Variants in SEMA6B observed in about 807,000 individuals in gnomAD.
SEMA6B encodes the protein semaphorin-6B.
Under a neutral mutation model 78.6 loss-of-function variants are expected in SEMA6B, and 47 were observed. The ratio of observed to expected loss-of-function variants is 0.60; its 90% confidence interval spans 0.47 to 0.76. The LOEUF (loss-of-function observed/expected upper bound fraction) is 0.76, where lower values mean the gene tolerates loss of function less well. Ranked by LOEUF, SEMA6B falls within the 30% of genes least tolerant of loss-of-function variation. The pLI, the probability that SEMA6B is intolerant of heterozygous loss-of-function variation, is 0.00. For missense variants in SEMA6B, 1,213 were observed against 1,269.9 expected, an observed-to-expected ratio of 0.96 and a Z score of 0.68; for synonymous variants, 632 against 592.2, an observed-to-expected ratio of 1.07 and a Z score of -0.98.
chr19:4,554,266 G>T, intron 9 of SEMA6B, 122 bp downstream of exon 9: 1 of 763,646 alleles, frequency 1.3e-6, no homozygotes, highest in Non-Finnish European at 2.2e-6. Context: ...AGGAGGCCCT[G>T]GGGACCAGAA....
Position 4,552,641 on chromosome 19 carries a change from TG to T in SEMA6B, c.772-3del. 3.1e-6 allele frequency: 5 copies of T among 1,598,868 alleles called. No individual in the cohort carries two copies. Among genetic ancestry groups the T allele is most frequent in the Non-Finnish European group, 4.3e-6 (5 of 1,170,458 alleles). ...TCGGGCCACGCGGGACACCACCACC[TG>T]GGCGTGACAGTGGACGGACGGGGGC... On this transcript the variant is annotated splice_region_variant and splice_polypyrimidine_tract_variant and intron_variant, in intron 9 of 16. Coordinates refer to ENST00000586582, the MANE Select transcript of SEMA6B (RefSeq NM_032108.4). The surrounding 1 kb of genome is among the most constrained non-coding windows in gnomAD (Gnocchi z 7.4).
intron 9 of SEMA6B, among the ~76,000 whole-genome samples, chr19:4,553,379 GTGGA>G (rs529191124): frequency 0.014 from 1,661 of 116,576 alleles, 56 homozygotes; most frequent in African/African-American, 0.054. Flanking sequence ...GGATGGGTGA[GTGGA>G]TGGATGGATG....
At position 4,548,019 on chromosome 19, in the gene SEMA6B, A is replaced by T; in HGVS notation, c.1601+8T>A. 1 of 1,538,102 alleles carries T rather than the reference A, an allele frequency of 6.5e-7. No homozygotes were observed. The highest frequency in any genetic ancestry group is 1.2e-5 in the South Asian group (1 of 82,988). ...CCCGCCCACGGCTGGCCTGGGGTGGACACTCACTTCATACACCCCGAGTAC... is the reference window on the plus strand; with the variant it reads ...CCCGCCCACGGCTGGCCTGGGGTGGTCACTCACTTCATACACCCCGAGTAC... On this transcript the variant is annotated splice_region_variant and intron_variant, in intron 14 of 16. Coordinates refer to ENST00000586582, the MANE Select transcript of SEMA6B (RefSeq NM_032108.4).
intron 8 of SEMA6B, 118 bp from the exon 9 acceptor site, chr19:4,554,594 T>C (rs1325040261): frequency 5.4e-6 from 4 of 745,896 alleles, no homozygotes; most frequent in Admixed American, 2.5e-5. Context: ...CCAGACAATA[T>C]GAAACAGACT....
chr19:4,544,003 G>A lies in SEMA6B; in HGVS notation c.2265C>T (p.Pro755=), dbSNP rs972288708. The A allele has an allele frequency of 6.6e-6, 8 of 1,209,954 alleles. No individual in the cohort carries two copies. Among genetic ancestry groups the A allele is most frequent in the East Asian group, 6.8e-5 (2 of 29,224 alleles). 75.0% of individuals were successfully genotyped at this position (1,209,954 alleles called of 1,614,324 possible). Residue 755 remains proline, a synonymous_variant, in exon 17 of 17, where the codon CCC becomes CCT. Transcript: ENST00000586582. This position sits in a 1 kb window ranked among gnomAD's most constrained non-coding sequence, Gnocchi z 5.1. ...SASSSLLLLA[P]ARAPEQPPAP... is the part of the protein sequence containing the mutation. The stretch of plus-strand genomic sequence containing the variant: ...CGGGGGGCTGCTCGGGGGCCCGGGC[G>A]GGCGCCAGCAGCAGGAGGGAGGATG...
chr19:4,550,776 C>T lies in SEMA6B; in HGVS notation c.1121+23G>A, dbSNP rs762458354. 18 of 1,612,290 alleles carry T rather than the reference C, an allele frequency of 1.1e-5. No individual in the cohort carries two copies. The South Asian group carries it at 1.3e-4, about 12-fold the overall frequency. ...ATCAGGACCTCATCCGGGCATGTGA[C>T]TCAGGATGGAGGGGGTTCTCACCGG... On this transcript the variant is annotated intron_variant, in intron 11 of 16. Coordinates refer to ENST00000586582, the MANE Select transcript of SEMA6B (RefSeq NM_032108.4). The surrounding 1 kb of genome is among the most constrained non-coding windows in gnomAD (Gnocchi z 6.6).
rs923932710 is a variant in SEMA6B, at chr19:4,555,307, G to C, written c.562+167C>G. Reference sequence around the variant, plus strand: ...CCGGCTAAGCCCCAAATCCCGCTGAGCCTCAATCCCAGCTGAGCCCCAAAC... The same window carrying C: ...CCGGCTAAGCCCCAAATCCCGCTGACCCTCAATCCCAGCTGAGCCCCAAAC... On this transcript the variant is annotated intron_variant, in intron 7 of 16. Transcript: ENST00000586582. The surrounding 1 kb of genome is among the most constrained non-coding windows in gnomAD (Gnocchi z 6.1). 6.6e-6 allele frequency among the ~76,000 whole-genome samples: 1 copy of C among 152,094 alleles called. No homozygotes were observed. Among genetic ancestry groups the C allele is most frequent in the Non-Finnish European group, 1.5e-5 (1 of 68,014 alleles).
chr19:4,546,295 C>G (rs144292825), intron 15 of SEMA6B, 21 bp from the exon 16 acceptor site: 4 of 1,612,436 alleles, frequency 2.5e-6, no homozygotes, highest in East Asian at 2.2e-5. Context: ...GAGGAGGCAC[C>G]GTCAGCAGAG....
Position 4,544,185 on chromosome 19 carries a change from G to A in SEMA6B, c.2083C>T (p.Leu695=). 1.6e-6 allele frequency: 2 copies of A among 1,270,096 alleles called. No individual in the cohort carries two copies. Among genetic ancestry groups the A allele is most frequent in the Middle Eastern group, 2.7e-4 (1 of 3,656 alleles). The allele number at this position is 1,270,096 out of a possible 1,614,324, so 78.7% of individuals were successfully genotyped here. A position where few individuals can be genotyped will look rare whatever the true frequency, so the allele number is the denominator to read the frequency against. The change falls in exon 17 of 17, where the codon CTG becomes TTG. Residue 695 remains leucine (L), a synonymous_variant. Transcript: ENST00000586582. The surrounding 1 kb of genome is among the most constrained non-coding windows in gnomAD (Gnocchi z 5.1). ...MQNGWAKATL[L]QGGPHDLDSG... ...TCCAGGTCGTGGGGCCCGCCCTGCA[G>A]CAGCGTGGCCTTGGCCCAGCCGTTC...
Position 4,552,064 on chromosome 19 carries a change from C to G in SEMA6B, c.989+358G>C, listed in dbSNP as rs1977348095. On this transcript the variant is annotated intron_variant, in intron 10 of 16. Coordinates refer to ENST00000586582, the MANE Select transcript of SEMA6B (RefSeq NM_032108.4). This position sits in a 1 kb window ranked among gnomAD's most constrained non-coding sequence, Gnocchi z 7.4. ...ACTCTCTCACGATTACTTAAGTATA[C>G]TGAACTCACTGAAGCCTCAGGACCT... 6.6e-6 allele frequency among the ~76,000 whole-genome samples: 1 copy of G among 152,160 alleles called. No individual in the cohort carries two copies. Among genetic ancestry groups the G allele is most frequent in the Non-Finnish European group, 1.5e-5 (1 of 68,032 alleles).
At chr19:4,547,517 G>C (rs1977201526) in intron 14 of SEMA6B, among the ~76,000 whole-genome samples, 1 of 152,192 alleles carries the variant, frequency 6.6e-6, no homozygotes, top group African/African-American at 2.4e-5. Context: ...CACATGGAGT[G>C]CAGGCGTGTG....
chr19:4,544,274 C>T lies in SEMA6B; in HGVS notation c.1994G>A (p.Arg665Gln), dbSNP rs779203344. ...GERRAQGPGG[R>Q]GGGGGGGAGV... ...GGCGCCACCGCCACCGCCTCCGCCC[C>T]GGCCCCCGGGACCCTGCGCCCTGCG... Residue 665 changes from arginine to glutamine, a missense_variant, in exon 17 of 17, where the codon CGG becomes CAG. By Grantham distance (43) the Arg-to-Gln change is conservative. Transcript: ENST00000586582. The surrounding 1 kb of genome is among the most constrained non-coding windows in gnomAD (Gnocchi z 5.1). 6 of 1,312,378 alleles carry T rather than the reference C, an allele frequency of 4.6e-6. No homozygotes were observed. Among genetic ancestry groups the T allele is most frequent in the Non-Finnish European group, 5.8e-6 (6 of 1,035,328 alleles). The allele number at this position is 1,312,378 out of a possible 1,614,324, so 81.3% of individuals were successfully genotyped here.
Position 4,550,887 on chromosome 19 carries a change from C to T in SEMA6B, c.1033G>A (p.Ala345Thr), listed in dbSNP as rs1422182897. 3.1e-6 allele frequency: 5 copies of T among 1,613,472 alleles called. No individual in the cohort carries two copies. The highest frequency in any genetic ancestry group is 4.2e-6 in the Non-Finnish European group (5 of 1,179,976). The change falls in exon 11 of 17, where the codon GCA (alanine) becomes ACA (threonine). Residue 345 changes from alanine (A) to threonine (T), a missense_variant. Transcript: ENST00000586582. The surrounding 1 kb of genome is among the most constrained non-coding windows in gnomAD (Gnocchi z 6.6). ...AVCAFDLTQVAAVFEGRFREQ... is the reference protein window; with the variant it reads ...AVCAFDLTQVTAVFEGRFREQ... ...CGGAAGCGGCCTTCAAACACAGCTG[C>T]CACCTGTGTCAGGTCAAAGGCGCAG...
Position 4,542,857 on chromosome 19 carries a change from G to A in SEMA6B, c.*744C>T, listed in dbSNP as rs370559194. The A allele has an allele frequency of 7.1e-6, 5 of 701,906 alleles. No individual in the cohort carries two copies. Among genetic ancestry groups the A allele is most frequent in the African/African-American group, 1.8e-5 (1 of 57,116 alleles). 43.5% of individuals were successfully genotyped at this position (701,906 alleles called of 1,614,324 possible). On this transcript the variant is annotated 3_prime_UTR_variant, in exon 17 of 17. Coordinates refer to ENST00000586582, the MANE Select transcript of SEMA6B (RefSeq NM_032108.4). Reference sequence around the variant, plus strand: ...TGACTTCCGGGCAGGCCCTCCTCGTGTCTCCTGCCTGAAACCCCGGCATTG... The same window carrying A: ...TGACTTCCGGGCAGGCCCTCCTCGTATCTCCTGCCTGAAACCCCGGCATTG...
At chr19:4,549,774 G>A (rs540789981) in intron 12 of SEMA6B, among the ~76,000 whole-genome samples, 4 of 151,496 alleles carry the variant, frequency 2.6e-5, no homozygotes, top group African/African-American at 7.3e-5. Flanking sequence ...CACCATGCCC[G>A]GCCAATTTTT....
At chr19:4,553,101 G>A (rs1977373844) in intron 9 of SEMA6B, among the ~76,000 whole-genome samples, 1 of 152,226 alleles carries the variant, frequency 6.6e-6, no homozygotes, top group Non-Finnish European at 1.5e-5. Context: ...ACAATGGAGG[G>A]ATGAGTAGGT....
At chr19:4,554,841 G>C in intron 8 of SEMA6B, 135 bp downstream of exon 8, 1 of 1,145,414 alleles carries the variant, frequency 8.7e-7, no homozygotes, top group East Asian at 2.4e-5. Flanking sequence ...CTTCAAAAAG[G>C]CCAACAGATT....
chr19:4,548,308 C>T lies in SEMA6B; in HGVS notation c.1409G>A (p.Gly470Glu). Residue 470 changes from glycine to glutamate, a missense_variant, in exon 13 of 17, where the codon GGG becomes GAG. Gly to Glu is a moderately conservative substitution (Grantham distance 98). Coordinates refer to ENST00000586582, the MANE Select transcript of SEMA6B (RefSeq NM_032108.4). ...AAACTCCTCCAGGAAGACACTGAGC[C>T]CAGACGTCCCTGAGGTGCTGGCATT... ...RPNASTSGTS[G>E]LSVFLEEFET... The T allele has an allele frequency of 6.2e-7, 1 of 1,613,874 alleles. No homozygotes were observed. Among genetic ancestry groups the T allele is most frequent in the African/African-American group, 1.3e-5 (1 of 75,044 alleles).
At chr19:4,549,623 C>T (rs1045521510) in intron 12 of SEMA6B, among the ~76,000 whole-genome samples, 11 of 152,312 alleles carry the variant, frequency 7.2e-5, no homozygotes, top group South Asian at 6.2e-4. Context: ...GGACTACAGG[C>T]GCCTGCCACC....
Sources: gnomAD v4.1 joint callset for allele counts (sites outside exome capture counted in the v4.1 genomes callset) on GRCh38, gnomAD v4.1.1 for gene constraint, Gnocchi (gnomAD v3.1) non-coding constraint, MANE v1.5 for transcripts, NCBI Gene and HGNC (gene_info 2026-07-23, HGNC 2026-07-21) for gene names.